The following TTC29 variants were observed in gnomAD, a reference collection of about 807,000 sequenced individuals.
TTC29 encodes the protein tetratricopeptide repeat protein 29.
Under a neutral mutation model 58.1 loss-of-function variants are expected in TTC29, and 49 were observed. That is an observed-to-expected ratio of 0.84 (90% CI 0.67 to 1.07). The LOEUF (loss-of-function observed/expected upper bound fraction) is 1.07. Ranked by LOEUF, TTC29 falls within the 50% of genes least tolerant of loss-of-function variation. The pLI is 0.00. For synonymous variants in TTC29, 209 were observed against 196.8 expected, an observed-to-expected ratio of 1.06 and a Z score of -0.52; for missense variants, 582 against 555.6, an observed-to-expected ratio of 1.05 and a Z score of -0.48.
intron 11 of TTC29, among the ~76,000 whole-genome samples, chr4:146,748,551 T>A (rs1381069460): frequency 6.6e-6 from 1 of 152,116 alleles, no homozygotes; most frequent in Non-Finnish European, 1.5e-5. Flanking sequence ...CTAAAGTCCT[T>A]GCCCTAACAA....
intron 8 of TTC29, among the ~76,000 whole-genome samples, chr4:146,864,011 G>A (rs182498528): frequency 2.9e-4 from 44 of 151,990 alleles, no homozygotes; most frequent in Non-Finnish European, 5.7e-4. Context: ...GAAATGTTTC[G>A]CCAGCTATCT....
At chr4:146,761,727 A>G (rs1290442953) in intron 11 of TTC29, among the ~76,000 whole-genome samples, 1 of 66,180 alleles carries the variant, frequency 1.5e-5, no homozygotes, top group Admixed American at 2.0e-4. Flanking sequence ...ACTCTTTTTT[A>G]GTATGGTGTA....
intron 4 of TTC29, among the ~76,000 whole-genome samples, chr4:146,913,826 T>C (rs949575330): frequency 6.6e-6 from 1 of 152,158 alleles, no homozygotes; most frequent in Non-Finnish European, 1.5e-5. Context: ...CAGAAGGGGT[T>C]GGACAATCAT....
At chr4:146,835,473 A>G (rs536532143) in intron 8 of TTC29, among the ~76,000 whole-genome samples, 2 of 152,332 alleles carry the variant, frequency 1.3e-5, no homozygotes, top group African/African-American at 4.8e-5. Flanking sequence ...AATTTACATG[A>G]CATTCTAGAA....
At chr4:146,913,393 G>A (rs1288172773) in intron 4 of TTC29, among the ~76,000 whole-genome samples, 1 of 152,010 alleles carries the variant, frequency 6.6e-6, no homozygotes, top group African/African-American at 2.4e-5. Context: ...GCTTTTGCTG[G>A]ATTTGGTCCA....
At chr4:146,794,213 A>G (rs1749670658) in intron 11 of TTC29, among the ~76,000 whole-genome samples, 1 of 152,160 alleles carries the variant, frequency 6.6e-6, no homozygotes, top group Admixed American at 6.6e-5. Flanking sequence ...CATGAGAGGT[A>G]GTTAATGTAG....
intron 11 of TTC29, among the ~76,000 whole-genome samples, chr4:146,730,754 G>A (rs1173616189): frequency 1.3e-5 from 2 of 152,132 alleles, no homozygotes; most frequent in African/African-American, 4.8e-5. Flanking sequence ...TGTGTTTGGC[G>A]ATGCGAAAGC....
At chr4:146,736,046 A>T (rs1744685596) in intron 11 of TTC29, among the ~76,000 whole-genome samples, 1 of 152,172 alleles carries the variant, frequency 6.6e-6, no homozygotes, top group African/African-American at 2.4e-5. Context: ...GTCATCCAAC[A>T]TTAAAGGACC....
At chr4:146,829,244 A>C (rs1309560933) in intron 9 of TTC29, among the ~76,000 whole-genome samples, 3 of 152,238 alleles carry the variant, frequency 2.0e-5, no homozygotes, top group Admixed American at 2.0e-4. Flanking sequence ...CTGGGAAAAC[A>C]GGACCGTTAA....
At chr4:146,733,714 G>T (rs929294843) in intron 11 of TTC29, among the ~76,000 whole-genome samples, 11 of 152,006 alleles carry the variant, frequency 7.2e-5, no homozygotes, top group African/African-American at 2.4e-4. Context: ...ATAAGAGCTT[G>T]GGGAAATGGA....
intron 9 of TTC29, among the ~76,000 whole-genome samples, chr4:146,823,078 C>A (rs1751952299): frequency 1.3e-5 from 2 of 152,098 alleles, no homozygotes; most frequent in South Asian, 2.1e-4. Context: ...ATGATAGTTT[C>A]TTTTGCTATG....
intron 8 of TTC29, among the ~76,000 whole-genome samples, chr4:146,853,598 T>C (rs1729647294): frequency 6.6e-6 from 1 of 152,204 alleles, no homozygotes. Context: ...TCTCGGTATA[T>C]ATTAATGATT....
At chr4:146,921,265 A>G (rs895128088) in intron 4 of TTC29, among the ~76,000 whole-genome samples, 2 of 151,364 alleles carry the variant, frequency 1.3e-5, no homozygotes, top group African/African-American at 2.4e-5. Context: ...ATATCATATT[A>G]ATTTTATTGC....
chr4:146,762,351 T>G (rs1050907516), intron 11 of TTC29, among the ~76,000 whole-genome samples: 5 of 151,280 alleles, frequency 3.3e-5, no homozygotes, highest in African/African-American at 1.2e-4. Flanking sequence ...AATTTCTTTT[T>G]TTTTTTTTTT....
intron 4 of TTC29, among the ~76,000 whole-genome samples, chr4:146,920,381 T>C (rs1487153878): frequency 6.6e-6 from 1 of 150,916 alleles, no homozygotes; most frequent in African/African-American, 2.4e-5. Context: ...ATATTAAAAA[T>C]AATGGCAAGA....
At position 146,879,396 on chromosome 4, in the gene TTC29, A is replaced by G. The variant is rs144363869; in HGVS notation, c.587-4468T>C. ...ATTTTTAAAATCATCTTATTTTCTG[A>G]GTAACGGTTCTGATATTAAGACTAG... On this transcript the variant is annotated intron_variant, in intron 6 of 12. Coordinates refer to ENST00000325106, the MANE Select transcript of TTC29 (RefSeq NM_031956.4). Among the ~76,000 whole-genome samples the G allele has an allele frequency of 9.4e-5, 14 of 148,204 alleles. No homozygotes were observed. In the East Asian group the frequency reaches 2.6e-3, roughly 27 times the overall value.
intron 11 of TTC29, among the ~76,000 whole-genome samples, chr4:146,728,209 C>T (rs1440922806): frequency 2.0e-5 from 3 of 151,434 alleles, no homozygotes; most frequent in Non-Finnish European, 2.9e-5. Context: ...ATCACCTGAA[C>T]ATGGAGGCAA....
At chr4:146,814,531 T>C (rs1751256300) in intron 10 of TTC29, among the ~76,000 whole-genome samples, 1 of 151,832 alleles carries the variant, frequency 6.6e-6, no homozygotes, top group South Asian at 2.1e-4. Flanking sequence ...ATCAAGACCA[T>C]CATGGCCAAC....
rs1264337224 is a variant in TTC29, at chr4:146,830,189, C to T, written c.977+3617G>A. ...TAGGGGAAGAATGATATTATAAATG[C>T]TTATTTTCTGCTATGCTGCTTAAAG... On this transcript the variant is annotated intron_variant, in intron 9 of 12. Transcript: ENST00000325106. Among the ~76,000 whole-genome samples the T allele has an allele frequency of 3.3e-5, 5 of 152,244 alleles. No individual in the cohort carries two copies. In the East Asian group the frequency reaches 9.6e-4, roughly 29 times the overall value.
Sources: allele counts gnomAD v4.1 joint callset (sites outside exome capture counted in the v4.1 genomes callset), GRCh38; gene constraint gnomAD v4.1.1; transcripts MANE v1.5; gene names NCBI Gene and HGNC (gene_info 2026-07-23, HGNC 2026-07-21).